Variants in TTLL6 observed in about 807,000 individuals in gnomAD.
TTLL6 encodes tubulin tyrosine ligase like 6, also known as tubulin polyglutamylase TTLL6.
TTLL6 carries 75 observed loss-of-function variants against 96.4 expected under a neutral mutation model. The observed-to-expected ratio is 0.78, with a 90% CI of 0.65 to 0.94. The LOEUF is 0.94. Among genes scored for constraint, TTLL6 ranks in the 40% least tolerant of loss-of-function variants. The pLI is 0.00. For synonymous variants in TTLL6, 411 were observed against 419.4 expected, an observed-to-expected ratio of 0.98 and a Z score of 0.24; for missense variants, 1,030 against 1,093.0, an observed-to-expected ratio of 0.94 and a Z score of 0.81.
intron 13 of TTLL6, among the ~76,000 whole-genome samples, chr17:48,777,146 T>C (rs2038890412): frequency 6.6e-6 from 1 of 152,074 alleles, no homozygotes; most frequent in Non-Finnish European, 1.5e-5. Flanking sequence ...AATTCAATGA[T>C]AAAGGAAAGT....
chr17:48,769,796 T>G lies in TTLL6; in HGVS notation c.2342A>C (p.Gln781Pro). 1 of 1,614,256 alleles carries G rather than the reference T, an allele frequency of 6.2e-7. No individual in the cohort carries two copies. Among genetic ancestry groups the G allele is most frequent in the Non-Finnish European group, 8.5e-7 (1 of 1,180,054 alleles). The part of the protein sequence containing the change: ...HLISELLTKL[Q>P]LSGKLSFFPA... ...GAAGAAGGAGAGCTTCCCACTCAGT[T>G]GAAGCTTGGTGAGTAGCTCGGATAT... The change falls in exon 14 of 16, where the codon CAA (glutamine) becomes CCA (proline). Residue 781 changes from glutamine to proline, a missense_variant. Gln to Pro is a moderately conservative substitution (Grantham distance 76, BLOSUM62 -1). Transcript: ENST00000393382.
Position 48,799,604 on chromosome 17 carries a change from C to A in TTLL6, c.768G>T (p.Lys256Asn). ...EDMICQLYISKPFIIDGFKFD... is the reference protein window; with the variant it reads ...EDMICQLYISNPFIIDGFKFD... ...ATAAATAATCACAATGAGGAAGTAC[C>A]TTTGAAATATACAGCTGACAGATCA... is the stretch of plus-strand genomic sequence containing the variant. The change falls in exon 6 of 16, where the codon AAG becomes AAT. Residue 256 changes from lysine (K) to asparagine (N), a missense_variant and splice_region_variant. By Grantham distance (94) the Lys-to-Asn change is moderately conservative. Coordinates refer to ENST00000393382, the MANE Select transcript of TTLL6 (RefSeq NM_001130918.3). 6.4e-7 allele frequency: 1 copy of A among 1,551,680 alleles called. No homozygotes were observed. The highest frequency in any genetic ancestry group is 2.4e-5 in the East Asian group (1 of 40,912).
chr17:48,790,041 C>T lies in TTLL6; in HGVS notation c.1290G>A (p.Leu430=), dbSNP rs777826279. ...GGTTGATCAGGACTAAGGTGTCATA[C>T]AGCAGACCATCTTTCACCTCTTTAT... ...RLDKEVKDGL[L]YDTLVLINLE... Residue 430 remains leucine (L), a synonymous_variant, in exon 10 of 16, where the codon CTG becomes CTA. Coordinates refer to ENST00000393382, the MANE Select transcript of TTLL6 (RefSeq NM_001130918.3). 1.9e-6 allele frequency: 3 copies of T among 1,614,104 alleles called. No individual in the cohort carries two copies. Among genetic ancestry groups the T allele is most frequent in the Non-Finnish European group, 2.5e-6 (3 of 1,180,042 alleles).
intron 5 of TTLL6, 32 bp downstream of exon 5, chr17:48,801,223 G>A: frequency 3.9e-6 from 6 of 1,540,098 alleles, no homozygotes; most frequent in Non-Finnish European, 5.3e-6. Flanking sequence ...GGAGGGGAGT[G>A]GAGAAGGAAG....
At chr17:48,776,810 A>C (rs2143248399) in intron 13 of TTLL6, among the ~76,000 whole-genome samples, 1 of 152,296 alleles carries the variant, frequency 6.6e-6, no homozygotes, top group East Asian at 1.9e-4. Context: ...GATTCAGCAC[A>C]ATGCCAATCA....
At chr17:48,777,180 C>A (rs2038891119) in intron 13 of TTLL6, among the ~76,000 whole-genome samples, 1 of 152,146 alleles carries the variant, frequency 6.6e-6, no homozygotes, top group African/African-American at 2.4e-5. Context: ...AGTTTTGGAA[C>A]AACTGAACAT....
chr17:48,797,194 A>G lies in TTLL6; in HGVS notation c.779T>C (p.Ile260Thr). The change falls in exon 7 of 16, where the codon ATT becomes ACT. Residue 260 changes from isoleucine (I) to threonine (T), a missense_variant. Ile to Thr is a moderately conservative substitution (Grantham distance 89). Coordinates refer to ENST00000393382, the MANE Select transcript of TTLL6 (RefSeq NM_001130918.3). ...CQLYISKPFI[I>T]DGFKFDLRIY... ...CCGTAGGTCAAACTTAAACCCATCA[A>G]TGATAAAGGGCTGGAAGGAGAGAAC... 1 of 1,550,492 alleles carries G rather than the reference A, an allele frequency of 6.4e-7. No homozygotes were observed. The highest frequency in any genetic ancestry group is 8.7e-7 in the Non-Finnish European group (1 of 1,146,354).
intron 8 of TTLL6, 111 bp downstream of exon 8, chr17:48,795,950 T>C (rs1289058776): frequency 6.2e-5 from 52 of 834,294 alleles, no homozygotes; most frequent in Non-Finnish European, 3.8e-6. Flanking sequence ...TCTCAGACCA[T>C]GTGACCCAAG....
chr17:48,778,104 C>T (rs1327275407), intron 13 of TTLL6, among the ~76,000 whole-genome samples: 1 of 150,948 alleles, frequency 6.6e-6, no homozygotes, highest in African/African-American at 2.4e-5. Context: ...TGACTAAACC[C>T]CGTCTCTACT....
intron 13 of TTLL6, among the ~76,000 whole-genome samples, chr17:48,771,431 C>T (rs901006187): frequency 6.6e-6 from 1 of 151,978 alleles, no homozygotes; most frequent in African/African-American, 2.4e-5. Context: ...GAGTTTGAGA[C>T]CAGCCTGAGC....
chr17:48,800,802 T>C (rs78865223), intron 5 of TTLL6, among the ~76,000 whole-genome samples: 3,706 of 152,178 alleles, frequency 0.024, 183 homozygotes, highest in African/African-American at 0.085. Context: ...TTGAAATGGA[T>C]ATAAAGAGAG....
rs776428016 is a variant in TTLL6 at position 48,769,710 on chromosome 17, G to A, written c.2410+18C>T. On this transcript the variant is annotated intron_variant, in intron 14 of 15. Transcript: ENST00000393382. ...CCCTTTAAGCTCCTGGCACATCCCTGTACACACTGGCACTCACGTGACAGG... is the reference window on the plus strand; with the variant it reads ...CCCTTTAAGCTCCTGGCACATCCCTATACACACTGGCACTCACGTGACAGG... 22 of 1,611,736 alleles carry A rather than the reference G, an allele frequency of 1.4e-5. No homozygotes were observed. The highest frequency in any genetic ancestry group is 1.8e-5 in the Non-Finnish European group (21 of 1,178,980).
intron 6 of TTLL6, among the ~76,000 whole-genome samples, chr17:48,798,794 C>T (rs578155833): frequency 6.7e-6 from 1 of 148,180 alleles, no homozygotes; most frequent in African/African-American, 2.5e-5. Context: ...TGTCACCATT[C>T]GGGACTACAT....
At chr17:48,805,239 T>G (rs1473273188) in intron 1 of TTLL6, among the ~76,000 whole-genome samples, 2 of 152,244 alleles carry the variant, frequency 1.3e-5, no homozygotes, top group Admixed American at 1.3e-4. Context: ...CCTGGGATTT[T>G]CAGGAGAAGC....
At chr17:48,782,965 G>A (rs1263141208) in intron 13 of TTLL6, among the ~76,000 whole-genome samples, 1 of 151,972 alleles carries the variant, frequency 6.6e-6, no homozygotes, top group East Asian at 1.9e-4. Context: ...CACCCACCTC[G>A]GCCTCCTAAA....
In TTLL6 at chr17:48,817,124, C is replaced by T. The variant is rs1490119981; in HGVS notation, c.-52G>A. On this transcript the variant is annotated 5_prime_UTR_variant, in exon 1 of 16. Coordinates refer to ENST00000393382, the MANE Select transcript of TTLL6 (RefSeq NM_001130918.3). ...CCCGCGCTCGCCCTAACTTTGGGTC[C>T]GCCCGGCCCTCATATTTGCATACGG... 1.4e-6 allele frequency: 2 copies of T among 1,408,896 alleles called. No individual in the cohort carries two copies. Among genetic ancestry groups the T allele is most frequent in the Non-Finnish European group, 1.9e-6 (2 of 1,042,136 alleles). The allele number at this position is 1,408,896 out of a possible 1,614,324, so 87.3% of individuals were successfully genotyped here.
At position 48,769,901 on chromosome 17, in the gene TTLL6, G is replaced by C. The variant is rs1235663390; in HGVS notation, c.2237C>G (p.Pro746Arg). The change falls in exon 14 of 16, where the codon CCC becomes CGC. Residue 746 changes from proline (P) to arginine (R), a missense_variant. Pro to Arg is a moderately radical substitution (Grantham distance 103, BLOSUM62 -2). Transcript: ENST00000393382. The stretch of plus-strand genomic sequence containing the variant: ...CTCCCAGAAGCTCTTGGATTTTGTG[G>C]GCAGAAAAGATTTTAACATTTTCTT... ...TQKKMLKSFLPTKSKSFWESP... is the reference protein window; with the variant it reads ...TQKKMLKSFLRTKSKSFWESP... 1.1e-5 allele frequency: 18 copies of C among 1,614,064 alleles called. No individual in the cohort carries two copies. Among genetic ancestry groups the C allele is most frequent in the Non-Finnish European group, 1.5e-5 (18 of 1,180,040 alleles).
At chr17:48,777,051 C>CCCT (rs2038888430) in intron 13 of TTLL6, among the ~76,000 whole-genome samples, 1 of 150,690 alleles carries the variant, frequency 6.6e-6, no homozygotes, top group African/African-American at 2.4e-5. Context: ...CACACACACC[C>CCCT]CTAAAAAATC....
chr17:48,764,645 G>A (rs1006577475), intron 15 of TTLL6, among the ~76,000 whole-genome samples: 1 of 152,094 alleles, frequency 6.6e-6, no homozygotes, highest in African/African-American at 2.4e-5. Flanking sequence ...TTGTGCAGAA[G>A]CCCTCTTTTC....
Sources: allele counts gnomAD v4.1 joint callset (sites outside exome capture counted in the v4.1 genomes callset), GRCh38; gene constraint gnomAD v4.1.1; transcripts MANE v1.5; gene names NCBI Gene and HGNC (gene_info 2026-07-23, HGNC 2026-07-21).